PRKCB: variants seen among roughly 807,000 people sequenced by gnomAD.
PRKCB encodes protein kinase C beta.
In PRKCB, 13 loss-of-function variants were observed where a neutral mutation model predicts 81.5. The ratio of observed to expected loss-of-function variants is 0.16; its 90% CI spans 0.10 to 0.25. PRKCB has a LOEUF of 0.25. PRKCB is among the 10% of genes least tolerant of loss of function. The pLI is 1.00. For missense variants in PRKCB, 509 were observed against 875.7 expected (o/e 0.58, Z 5.29); for synonymous variants, 335 against 321.4 (o/e 1.04, Z -0.45).
intron 2 of PRKCB, among the ~76,000 whole-genome samples, chr16:23,949,806 A>G (rs1461803572): frequency 6.6e-6 from 1 of 152,128 alleles, no homozygotes; most frequent in Non-Finnish European, 1.5e-5. Context: ...TCTTATCCCC[A>G]TTTTACAGAT....
At chr16:23,956,708 A>T (rs1471152335) in intron 2 of PRKCB, among the ~76,000 whole-genome samples, 2 of 152,234 alleles carry the variant, frequency 1.3e-5, no homozygotes, top group Non-Finnish European at 2.9e-5. Context: ...AGAAGATAAA[A>T]TACCTATTGT....
chr16:24,021,313 T>C (rs868489424), intron 3 of PRKCB, among the ~76,000 whole-genome samples: 1,148 of 30,392 alleles, frequency 0.038, 145 homozygotes, highest in South Asian at 0.05. Context: ...CTTCCTTCCT[T>C]CCTTCCTTCC....
chr16:23,890,520 A>G (rs1963277061), intron 2 of PRKCB, among the ~76,000 whole-genome samples: 1 of 152,158 alleles, frequency 6.6e-6, no homozygotes, highest in African/African-American at 2.4e-5. Flanking sequence ...CCCTTGCCCC[A>G]CTGAAGACTT....
chr16:24,093,445 T>C (rs1457084594), intron 6 of PRKCB, among the ~76,000 whole-genome samples: 1 of 152,176 alleles, frequency 6.6e-6, no homozygotes, highest in Non-Finnish European at 1.5e-5. Context: ...CATCAGGAGT[T>C]GGTTATAACA....
In PRKCB at chr16:23,875,756, ATG is replaced by A. The variant is rs1567298756; in HGVS notation, c.205+38352_205+38353del. Among the ~76,000 whole-genome samples the A allele has an allele frequency of 5.9e-5, 8 of 135,900 alleles. No individual in the cohort carries two copies. The East Asian group carries it at 6.6e-4, about 11-fold the overall frequency. 89.2% of individuals were successfully genotyped at this position (135,900 alleles called of 152,430 possible). A position where few individuals can be genotyped will look rare whatever the true frequency, so the allele number is the denominator to read the frequency against. ...ATATATGTATGTATATCACACATAT[ATG>A]TATGTATATCACACATATATGTGTG... On this transcript the variant is annotated intron_variant, in intron 2 of 16. Coordinates refer to ENST00000643927, the MANE Select transcript of PRKCB (RefSeq NM_002738.7).
intron 6 of PRKCB, among the ~76,000 whole-genome samples, chr16:24,093,507 C>T (rs999426015): frequency 2.6e-5 from 4 of 152,184 alleles, no homozygotes; most frequent in Non-Finnish European, 5.9e-5. Flanking sequence ...TTAAGCGATC[C>T]GACTTCATCG....
At chr16:24,060,989 G>A (rs370026710) in intron 5 of PRKCB, among the ~76,000 whole-genome samples, 2 of 152,102 alleles carry the variant, frequency 1.3e-5, no homozygotes, top group African/African-American at 4.8e-5. Flanking sequence ...GCTTTTTGTA[G>A]GGACTGACTA....
Position 24,194,928 on chromosome 16 carries a change from G to C in PRKCB, c.1863+3698G>C, listed in dbSNP as rs118125569. 4.1e-3 allele frequency among the ~76,000 whole-genome samples: 620 copies of C among 152,266 alleles called. 4 individuals carry two copies. The highest frequency in any genetic ancestry group is 7.2e-3 in the Non-Finnish European group (488 of 68,012). ...TAATAATAAATGATACATTATCCAG[G>C]TACAGTGGCTCATGCCTGTAATCCC... On this transcript the variant is annotated intron_variant, in intron 16 of 16. Transcript: ENST00000643927.
chr16:24,108,029 C>T (rs993249503), intron 7 of PRKCB, among the ~76,000 whole-genome samples: 2 of 152,202 alleles, frequency 1.3e-5, no homozygotes, highest in South Asian at 4.1e-4. Context: ...ATCGTTAACA[C>T]TCTAACACTT....
intron 2 of PRKCB, among the ~76,000 whole-genome samples, chr16:23,876,485 AACAC>A (rs1476473891): frequency 6.6e-6 from 1 of 152,146 alleles, no homozygotes; most frequent in Non-Finnish European, 1.5e-5. Context: ...GACAAAACAA[AACAC>A]ACACTAAAAA....
intron 8 of PRKCB, among the ~76,000 whole-genome samples, chr16:24,122,607 A>G (rs1387501364): frequency 1.3e-5 from 2 of 152,054 alleles, no homozygotes; most frequent in African/African-American, 4.8e-5. Flanking sequence ...TGACAGGTGC[A>G]CACCACCTTG....
intron 2 of PRKCB, among the ~76,000 whole-genome samples, chr16:23,937,732 A>C (rs1406995022): frequency 2.6e-5 from 4 of 152,192 alleles, no homozygotes; most frequent in African/African-American, 9.7e-5. Context: ...ACCAAGTGGG[A>C]AGTCACTCTC....
intron 10 of PRKCB, among the ~76,000 whole-genome samples, chr16:24,168,127 G>A (rs1967375712): frequency 6.6e-6 from 1 of 152,182 alleles, no homozygotes; most frequent in Non-Finnish European, 1.5e-5. Context: ...TGAATTAAAT[G>A]CTTGTTATAT....
intron 15 of PRKCB, among the ~76,000 whole-genome samples, chr16:24,188,542 A>C (rs1306831286): frequency 2.0e-5 from 3 of 152,146 alleles, no homozygotes; most frequent in African/African-American, 7.2e-5. Context: ...TGTTTAATTG[A>C]AGCAGTGTCC....
intron 10 of PRKCB, among the ~76,000 whole-genome samples, chr16:24,163,545 T>C (rs1353308024): frequency 6.6e-6 from 1 of 152,176 alleles, no homozygotes; most frequent in African/African-American, 2.4e-5. Context: ...AGAATAGAGG[T>C]AGTTCTAGCC....
intron 2 of PRKCB, among the ~76,000 whole-genome samples, chr16:23,921,819 A>G (rs553636451): frequency 6.6e-6 from 1 of 152,278 alleles, no homozygotes. Flanking sequence ...AAGATATGCT[A>G]TACCCTCATA....
chr16:24,040,660 C>A lies in PRKCB; in HGVS notation c.529+5113C>A, dbSNP rs561631976. ...AATGGCTGTATGTATGAATGAGAAA[C>A]CCCTGGAGGATCCTGATAGATAGAT... On this transcript the variant is annotated intron_variant, in intron 5 of 16. Coordinates refer to ENST00000643927, the MANE Select transcript of PRKCB (RefSeq NM_002738.7). Among the ~76,000 whole-genome samples, 4 of 152,246 alleles carry A rather than the reference C, an allele frequency of 2.6e-5. No homozygotes were observed. The East Asian group carries it at 7.7e-4, about 29-fold the overall frequency.
At chr16:24,048,258 C>G (rs1359821782) in intron 5 of PRKCB, among the ~76,000 whole-genome samples, 1 of 152,182 alleles carries the variant, frequency 6.6e-6, no homozygotes, top group Non-Finnish European at 1.5e-5. Flanking sequence ...GAGAGAGTTA[C>G]TGAGGGCATC....
intron 2 of PRKCB, among the ~76,000 whole-genome samples, chr16:23,958,631 C>A (rs1051381861): frequency 6.6e-6 from 1 of 152,110 alleles, no homozygotes; most frequent in African/African-American, 2.4e-5. Context: ...TAGCACGGCA[C>A]TTGGCACTTA....
Sources: allele counts gnomAD v4.1 joint callset (sites outside exome capture counted in the v4.1 genomes callset), GRCh38; gene constraint gnomAD v4.1.1; transcripts MANE v1.5; gene names NCBI Gene and HGNC (gene_info 2026-07-23, HGNC 2026-07-21).